ITFG1: variants seen among roughly 807,000 people sequenced by gnomAD.
The protein encoded by ITFG1 is integrin alpha FG-GAP repeat containing 1.
In ITFG1, 34 loss-of-function variants were observed where a neutral mutation model predicts 81.8. The ratio of observed to expected loss-of-function variants is 0.42; its 90% CI spans 0.32 to 0.55. The LOEUF is 0.55. Among genes scored for constraint, ITFG1 ranks in the 20% least tolerant of loss-of-function variants. The pLI is 0.17. For missense variants in ITFG1, 672 were observed against 755.4 expected (o/e 0.89, Z 1.29); for synonymous variants, 285 against 270.6 (o/e 1.05, Z -0.52).
chr16:47,194,469 A>G (rs1251943573), intron 14 of ITFG1, among the ~76,000 whole-genome samples: 1 of 152,190 alleles, frequency 6.6e-6, no homozygotes, highest in Non-Finnish European at 1.5e-5. Context: ...TAGTTCTTTC[A>G]TAAGACTCCA....
rs1210800888 is a variant in ITFG1 at position 47,305,204 on chromosome 16, A to G, written c.1070+6036T>C. On this transcript the variant is annotated intron_variant, in intron 10 of 17. Coordinates refer to ENST00000320640, the MANE Select transcript of ITFG1 (RefSeq NM_030790.5). ...TACTACTCTCTCTCTGTAATTAATGATGTGCTGTCTTATACATATAAACTG... is the reference window on the plus strand; with the variant it reads ...TACTACTCTCTCTCTGTAATTAATGGTGTGCTGTCTTATACATATAAACTG... Among the ~76,000 whole-genome samples, 4 of 152,342 alleles carry G rather than the reference A, an allele frequency of 2.6e-5. No homozygotes were observed. The South Asian group carries it at 6.2e-4, about 24-fold the overall frequency.
chr16:47,170,876 A>G (rs958431909), intron 14 of ITFG1, among the ~76,000 whole-genome samples: 7 of 150,412 alleles, frequency 4.7e-5, no homozygotes, highest in African/African-American at 1.5e-4. Context: ...CTGGGATTAT[A>G]GGCATACACC....
chr16:47,182,504 T>TAG (rs1965140546), intron 14 of ITFG1, among the ~76,000 whole-genome samples: 1 of 152,338 alleles, frequency 6.6e-6, no homozygotes, highest in South Asian at 2.1e-4. Flanking sequence ...CCTTGAGCCT[T>TAG]AGTTTGTGTA....
At chr16:47,158,746 A>G (rs956511298) in intron 17 of ITFG1, 127 bp downstream of exon 17, 1 of 538,614 alleles carries the variant, frequency 1.9e-6, no homozygotes, top group African/African-American at 2.0e-5. Context: ...TTTGAACAGA[A>G]CTTGAAAAAT....
intron 6 of ITFG1, among the ~76,000 whole-genome samples, chr16:47,377,183 A>C (rs1419886047): frequency 6.6e-6 from 1 of 152,142 alleles, no homozygotes; most frequent in African/African-American, 2.4e-5. Flanking sequence ...CCAAAAGCTA[A>C]GGAATTTATT....
chr16:47,235,903 T>G (rs1381463409), intron 13 of ITFG1, among the ~76,000 whole-genome samples: 2 of 152,210 alleles, frequency 1.3e-5, no homozygotes, highest in African/African-American at 4.8e-5. Flanking sequence ...AAAATTGTGA[T>G]CTATGATATC....
chr16:47,277,747 TGAA>T (rs1375269548), intron 10 of ITFG1, among the ~76,000 whole-genome samples: 12 of 152,316 alleles, frequency 7.9e-5, no homozygotes, highest in Non-Finnish European at 1.2e-4. Flanking sequence ...GAGTGGATTT[TGAA>T]GAAGTAGTAT....
chr16:47,417,910 G>A (rs1350788107), intron 6 of ITFG1, among the ~76,000 whole-genome samples: 1 of 152,126 alleles, frequency 6.6e-6, no homozygotes, highest in Non-Finnish European at 1.5e-5. Flanking sequence ...GGGATTGCTG[G>A]ATGGTATGGT....
chr16:47,180,129 A>G (rs1965087395), intron 14 of ITFG1, among the ~76,000 whole-genome samples: 1 of 152,232 alleles, frequency 6.6e-6, no homozygotes. Flanking sequence ...TGGCTGGCAC[A>G]CAGTAGGCAC....
chr16:47,353,924 G>A (rs374203269), intron 8 of ITFG1, among the ~76,000 whole-genome samples: 27 of 152,062 alleles, frequency 1.8e-4, no homozygotes, highest in Middle Eastern at 6.8e-3. Context: ...TTCATGAATC[G>A]CAAGAATTCA....
intron 7 of ITFG1, among the ~76,000 whole-genome samples, chr16:47,368,176 G>A (rs1487391544): frequency 6.7e-6 from 1 of 149,070 alleles, no homozygotes; most frequent in Non-Finnish European, 1.5e-5. Context: ...GGAGCTTGCA[G>A]TAAGCCGAGA....
intron 8 of ITFG1, among the ~76,000 whole-genome samples, chr16:47,332,387 G>A (rs1384133392): frequency 1.3e-5 from 2 of 152,064 alleles, no homozygotes; most frequent in Admixed American, 6.6e-5. Flanking sequence ...AGGTGCACAA[G>A]GAATTCTATA....
intron 6 of ITFG1, among the ~76,000 whole-genome samples, chr16:47,412,487 G>C (rs959352530): frequency 1.3e-5 from 2 of 152,014 alleles, no homozygotes; most frequent in Non-Finnish European, 2.9e-5. Flanking sequence ...TTCAAGACCA[G>C]CCTGGCCAAC....
intron 15 of ITFG1, among the ~76,000 whole-genome samples, chr16:47,162,080 CACTT>C (rs1391911939): frequency 3.9e-5 from 6 of 152,040 alleles, no homozygotes; most frequent in Non-Finnish European, 8.8e-5. Flanking sequence ...ATTTATTAGA[CACTT>C]ACGTAGCAGG....
intron 6 of ITFG1, among the ~76,000 whole-genome samples, chr16:47,390,545 A>G (rs1439512272): frequency 4.6e-5 from 7 of 151,970 alleles, no homozygotes; most frequent in Non-Finnish European, 1.0e-4. Flanking sequence ...TGCAACCTCC[A>G]TCTCCCAGGT....
At chr16:47,195,362 A>G (rs1186589186) in intron 14 of ITFG1, among the ~76,000 whole-genome samples, 1 of 152,184 alleles carries the variant, frequency 6.6e-6, no homozygotes, top group Non-Finnish European at 1.5e-5. Flanking sequence ...CATTTCCAGG[A>G]AAGAACCAGT....
At chr16:47,289,882 C>G (rs980571551) in intron 10 of ITFG1, among the ~76,000 whole-genome samples, 1 of 152,052 alleles carries the variant, frequency 6.6e-6, no homozygotes, top group Non-Finnish European at 1.5e-5. Context: ...CTCCAACTAA[C>G]TTGGGGTATA....
chr16:47,325,845 CA>C (rs1247048942), intron 8 of ITFG1, among the ~76,000 whole-genome samples: 2 of 151,958 alleles, frequency 1.3e-5, no homozygotes, highest in African/African-American at 2.4e-5. Flanking sequence ...GCTTACCAAC[CA>C]AAAAAGGTCC....
intron 5 of ITFG1, chr16:47,447,982 T>C (rs1210066919): frequency 1.3e-5 from 2 of 152,178 alleles, no homozygotes; most frequent in African/African-American, 4.8e-5. Context: ...AATATGAATG[T>C]TGTATGGGAT....
Sources: allele counts gnomAD v4.1 joint callset (sites outside exome capture counted in the v4.1 genomes callset), GRCh38; gene constraint gnomAD v4.1.1; transcripts MANE v1.5; gene names NCBI Gene and HGNC (gene_info 2026-07-23, HGNC 2026-07-21).